Variants in DTNA observed in about 807,000 individuals in gnomAD.
The protein encoded by DTNA is dystrophin-related protein 3.
A neutral mutation model predicts 100.7 loss-of-function variants in DTNA; 43 were observed. That is an observed-to-expected ratio of 0.43 (90% CI 0.33 to 0.55). DTNA has a LOEUF of 0.55. Among genes scored for constraint, DTNA ranks in the 20% least tolerant of loss-of-function variants. DTNA has a pLI of 0.04. For missense variants in DTNA, 798 were observed against 953.9 expected (o/e 0.84, Z 2.15); for synonymous variants, 349 against 347.9 (o/e 1.00, Z -0.04).
At chr18:34,879,437 T>C (rs1170900322) in intron 19 of DTNA, 114 bp from the exon 20 acceptor site, 6 of 1,006,656 alleles carry the variant, frequency 6.0e-6, no homozygotes, top group Admixed American at 2.2e-5. Flanking sequence ...TAAAATATGA[T>C]AACTGGTTAA....
At chr18:34,572,047 T>G (rs1879693) in intron 1 of DTNA, among the ~76,000 whole-genome samples, 15,586 of 152,214 alleles carry the variant, frequency 0.1, 1,171 homozygotes, top group African/African-American at 0.2. Flanking sequence ...ATTCAGTCAG[T>G]TATCTTAATG....
At chr18:34,516,880 C>T (rs2145091839) in intron 1 of DTNA, among the ~76,000 whole-genome samples, 1 of 152,058 alleles carries the variant, frequency 6.6e-6, no homozygotes, top group Non-Finnish European at 1.5e-5. Flanking sequence ...TGACATACAT[C>T]CTCAGTATAT....
rs544805633 is a variant in DTNA at position 34,833,422 on chromosome 18, G to T, written c.1175+3933G>T. 2.2e-3 allele frequency among the ~76,000 whole-genome samples: 335 copies of T among 152,140 alleles called. 2 individuals are homozygous for T. Among genetic ancestry groups the T allele is most frequent in the Non-Finnish European group, 3.7e-3 (249 of 67,992 alleles). On this transcript the variant is annotated intron_variant, in intron 11 of 22. Coordinates refer to ENST00000444659, the MANE Select transcript of DTNA (RefSeq NM_001386795.1). The stretch of plus-strand genomic sequence containing the variant: ...TGTGTCACTGTGTGTGTGTGTGTGT[G>T]TGTGTGTGTGTGTGAGAAAAATTTT...
intron 1 of DTNA, among the ~76,000 whole-genome samples, chr18:34,571,590 A>C (rs542575568): frequency 2.4e-4 from 36 of 152,290 alleles, no homozygotes; most frequent in African/African-American, 5.5e-4. Context: ...AAACAAACAA[A>C]AAAAAAGAAA....
intron 1 of DTNA, among the ~76,000 whole-genome samples, chr18:34,617,703 G>T (rs2055598740): frequency 6.6e-6 from 1 of 152,076 alleles, no homozygotes; most frequent in Admixed American, 6.6e-5. Context: ...TAATGGTACT[G>T]GCTCTTCTTT....
At chr18:34,883,539 G>T (rs114936106) in intron 21 of DTNA, among the ~76,000 whole-genome samples, 1,697 of 151,986 alleles carry the variant, frequency 0.011, 36 homozygotes, top group African/African-American at 0.039. Context: ...TGAACTCCTG[G>T]TCTCAAGTGA....
intron 1 of DTNA, among the ~76,000 whole-genome samples, chr18:34,575,764 C>T (rs1056914193): frequency 1.3e-5 from 2 of 152,138 alleles, no homozygotes; most frequent in Non-Finnish European, 2.9e-5. Context: ...GTATTATAGC[C>T]TTTGTGTAAC....
At chr18:34,526,680 A>C (rs1259679411) in intron 1 of DTNA, among the ~76,000 whole-genome samples, 1 of 152,140 alleles carries the variant, frequency 6.6e-6, no homozygotes, top group African/African-American at 2.4e-5. Flanking sequence ...AGAGGGAGTC[A>C]GTCTTATGCA....
At chr18:34,748,412 T>G (rs747046382) in intron 1 of DTNA, among the ~76,000 whole-genome samples, 1 of 152,212 alleles carries the variant, frequency 6.6e-6, no homozygotes, top group African/African-American at 2.4e-5. Context: ...TTTTCCAATG[T>G]TATCTTCTAG....
At chr18:34,751,503 A>T (rs1387673514) in intron 1 of DTNA, among the ~76,000 whole-genome samples, 1 of 152,200 alleles carries the variant, frequency 6.6e-6, no homozygotes. Context: ...GGCTTTCCAG[A>T]TTTGATGCCT....
chr18:34,599,063 C>T (rs908720087), intron 1 of DTNA, among the ~76,000 whole-genome samples: 1 of 152,106 alleles, frequency 6.6e-6, no homozygotes, highest in Non-Finnish European at 1.5e-5. Context: ...AAACTTTTTA[C>T]ACATTTATTG....
intron 1 of DTNA, among the ~76,000 whole-genome samples, chr18:34,560,749 TACAC>T (rs1213552465): frequency 1.3e-5 from 2 of 151,944 alleles, no homozygotes; most frequent in African/African-American, 4.8e-5. Context: ...CTACAAAAAA[TACAC>T]ACACGCACAC....
intron 1 of DTNA, among the ~76,000 whole-genome samples, chr18:34,521,319 C>T (rs531376667): frequency 1.5e-4 from 23 of 152,160 alleles, no homozygotes; most frequent in Non-Finnish European, 2.4e-4. Flanking sequence ...TACTCCACCA[C>T]GAGCCATTCA....
chr18:34,524,611 G>C (rs1391935269), intron 1 of DTNA, among the ~76,000 whole-genome samples: 1 of 152,124 alleles, frequency 6.6e-6, no homozygotes, highest in African/African-American at 2.4e-5. Context: ...CCAAGTAATT[G>C]ATATCCATTA....
chr18:34,753,217 G>A (rs1322676789), intron 1 of DTNA, among the ~76,000 whole-genome samples: 1 of 152,102 alleles, frequency 6.6e-6, no homozygotes, highest in African/African-American at 2.4e-5. Flanking sequence ...TGTTAAATAG[G>A]AGTAGAGTTG....
chr18:34,586,882 G>A (rs1002392909), intron 1 of DTNA, among the ~76,000 whole-genome samples: 1 of 152,032 alleles, frequency 6.6e-6, no homozygotes, highest in African/African-American at 2.4e-5. Flanking sequence ...ATTTATGATT[G>A]TGCTCCAATT....
intron 3 of DTNA, among the ~76,000 whole-genome samples, chr18:34,769,753 C>CTTTT (rs1568462894): frequency 4.2e-3 from 137 of 32,934 alleles, no homozygotes; most frequent in East Asian, 0.018. Flanking sequence ...CAGAGTTTCA[C>CTTTT]TCTTTTTTCC....
intron 3 of DTNA, among the ~76,000 whole-genome samples, chr18:34,769,948 T>C (rs1273607010): frequency 1.3e-5 from 2 of 151,924 alleles, no homozygotes; most frequent in Non-Finnish European, 1.5e-5. Flanking sequence ...CTCAAACTCC[T>C]GACCTCATGT....
intron 21 of DTNA, 31 bp downstream of exon 21, chr18:34,882,232 C>T: frequency 6.2e-7 from 1 of 1,612,142 alleles, no homozygotes; most frequent in Non-Finnish European, 8.5e-7. Context: ...CCCACCCCAC[C>T]TCTTCTGCCT....
Sources: allele counts gnomAD v4.1 joint callset (sites outside exome capture counted in the v4.1 genomes callset), GRCh38; gene constraint gnomAD v4.1.1; transcripts MANE v1.5; gene names NCBI Gene and HGNC (gene_info 2026-07-23, HGNC 2026-07-21).